The following SMYD3 variants were observed in gnomAD, a reference collection of about 807,000 sequenced individuals.
The protein encoded by SMYD3 is SET and MYND domain containing 3.
Under a neutral mutation model 57.7 loss-of-function variants are expected in SMYD3, and 36 were observed. The observed-to-expected ratio is 0.62, with a 90% confidence interval of 0.48 to 0.82. The LOEUF (loss-of-function observed/expected upper bound fraction) is 0.82, where lower values mean the gene tolerates loss of function less well. Among genes scored for constraint, SMYD3 ranks in the 40% least tolerant of loss-of-function variants. The pLI is 0.00. For synonymous variants in SMYD3, 211 were observed against 195.0 expected, an observed-to-expected ratio of 1.08 and a Z score of -0.68; for missense variants, 515 against 538.8, an observed-to-expected ratio of 0.96 and a Z score of 0.44.
At chr1:246,411,500 A>G (rs2066967695) in intron 1 of SMYD3, among the ~76,000 whole-genome samples, 1 of 152,198 alleles carries the variant, frequency 6.6e-6, no homozygotes, top group Non-Finnish European at 1.5e-5. Context: ...ATTATAAATC[A>G]TGCTGCTATA....
At chr1:246,029,696 A>G (rs984757231) in intron 5 of SMYD3, among the ~76,000 whole-genome samples, 15 of 151,362 alleles carry the variant, frequency 9.9e-5, no homozygotes, top group Admixed American at 4.6e-4. Context: ...AAAAAGAAAG[A>G]AAAAGAAAAA....
intron 5 of SMYD3, among the ~76,000 whole-genome samples, chr1:246,231,528 A>G (rs910269648): frequency 1.3e-5 from 2 of 152,218 alleles, no homozygotes; most frequent in African/African-American, 4.8e-5. Flanking sequence ...TTTTCTGGTC[A>G]TTGCTATAAT....
chr1:246,230,930 T>C (rs10924577), intron 5 of SMYD3, among the ~76,000 whole-genome samples: 31,537 of 152,098 alleles, frequency 0.21, 3,975 homozygotes, highest in East Asian at 0.58. Flanking sequence ...TCACAGCAAA[T>C]CAATTTCTCT....
chr1:246,365,252 G>A (rs1330282250), intron 1 of SMYD3, among the ~76,000 whole-genome samples: 1 of 149,684 alleles, frequency 6.7e-6, no homozygotes. Context: ...AGATCTAGAA[G>A]ATAAAGAATA....
At chr1:246,156,729 A>C (rs2062028097) in intron 5 of SMYD3, among the ~76,000 whole-genome samples, 1 of 152,228 alleles carries the variant, frequency 6.6e-6, no homozygotes, top group Admixed American at 6.5e-5. Flanking sequence ...GAGCAAAGAA[A>C]ACGGGCACCT....
intron 1 of SMYD3, among the ~76,000 whole-genome samples, chr1:246,436,714 A>G (rs2067380513): frequency 6.6e-6 from 1 of 152,090 alleles, no homozygotes; most frequent in African/African-American, 2.4e-5. Context: ...AGTCTCCTCC[A>G]ATCTGTGACC....
chr1:245,951,014 T>C (rs2057616573), intron 5 of SMYD3, among the ~76,000 whole-genome samples: 1 of 152,116 alleles, frequency 6.6e-6, no homozygotes, highest in Admixed American at 6.5e-5. Flanking sequence ...AGTTGGCTAT[T>C]TGTTATTGAG....
chr1:246,309,298 A>G (rs1343092910), intron 5 of SMYD3, among the ~76,000 whole-genome samples: 1 of 152,204 alleles, frequency 6.6e-6, no homozygotes, highest in Admixed American at 6.5e-5. Flanking sequence ...GGGAAAACAG[A>G]AATATAAAAT....
chr1:246,233,931 A>C (rs2063468762), intron 5 of SMYD3, among the ~76,000 whole-genome samples: 1 of 135,490 alleles, frequency 7.4e-6, no homozygotes, highest in Non-Finnish European at 1.6e-5. Context: ...ACGCTCCTTC[A>C]ATTCACACTG....
chr1:246,425,329 C>G (rs988459810), intron 1 of SMYD3, among the ~76,000 whole-genome samples: 3 of 152,198 alleles, frequency 2.0e-5, no homozygotes, highest in Non-Finnish European at 4.4e-5. Flanking sequence ...CAACACCAAC[C>G]TAGATAACAA....
At chr1:246,494,625 C>G (rs1472603933) in intron 1 of SMYD3, among the ~76,000 whole-genome samples, 1 of 152,202 alleles carries the variant, frequency 6.6e-6, no homozygotes, top group Admixed American at 6.5e-5. Flanking sequence ...GAAACTGTTA[C>G]CTACTACCCA....
intron 3 of SMYD3, among the ~76,000 whole-genome samples, chr1:246,333,722 G>A (rs2065497306): frequency 6.6e-6 from 1 of 151,652 alleles, no homozygotes; most frequent in South Asian, 2.1e-4. Flanking sequence ...AAAAAAAAAG[G>A]AAAAAACACA....
intron 5 of SMYD3, among the ~76,000 whole-genome samples, chr1:246,224,597 C>T (rs368349609): frequency 2.1e-4 from 32 of 150,078 alleles, no homozygotes; most frequent in African/African-American, 6.9e-4. Context: ...TCATTGTGGG[C>T]GCCACTGAGA....
intron 5 of SMYD3, among the ~76,000 whole-genome samples, chr1:246,072,616 T>C (rs1318739413): frequency 6.6e-6 from 1 of 152,192 alleles, no homozygotes; most frequent in African/African-American, 2.4e-5. Flanking sequence ...TAAAGAGTTA[T>C]CTAGTAACTT....
chr1:245,798,424 C>CACACACAAACA (rs1222464601), intron 10 of SMYD3, among the ~76,000 whole-genome samples: 2 of 5,678 alleles, frequency 3.5e-4, no homozygotes. Context: ...ACATACACAC[C>CACACACAAACA]CCCACACACA....
chr1:245,996,370 G>A (rs1429457666), intron 5 of SMYD3, among the ~76,000 whole-genome samples: 1 of 152,144 alleles, frequency 6.6e-6, no homozygotes, highest in Non-Finnish European at 1.5e-5. Flanking sequence ...CTGGGATTAG[G>A]GGTATAATGT....
intron 10 of SMYD3, among the ~76,000 whole-genome samples, chr1:245,813,964 T>C (rs2048644246): frequency 6.6e-6 from 1 of 151,714 alleles, no homozygotes; most frequent in Non-Finnish European, 1.5e-5. Context: ...TTTAGGTGAT[T>C]GTAGATTTCT....
chr1:246,379,089 C>CAT (rs1211621877), intron 1 of SMYD3, among the ~76,000 whole-genome samples: 5 of 94,058 alleles, frequency 5.3e-5, no homozygotes, highest in Non-Finnish European at 1.3e-4. Context: ...CATACACACA[C>CAT]ACACACACAC....
chr1:246,145,027 T>C (rs2061821424), intron 5 of SMYD3, among the ~76,000 whole-genome samples: 1 of 152,244 alleles, frequency 6.6e-6, no homozygotes, highest in South Asian at 2.1e-4. Context: ...GTCTTTCTTC[T>C]TTCTTTAGAC....
Sources: gnomAD v4.1 joint callset for allele counts (sites outside exome capture counted in the v4.1 genomes callset) on GRCh38, gnomAD v4.1.1 for gene constraint, MANE v1.5 for transcripts, NCBI Gene and HGNC (gene_info 2026-07-23, HGNC 2026-07-21) for gene names.